CYBRD1: variants seen among roughly 807,000 people sequenced by gnomAD.
The protein encoded by CYBRD1 is plasma membrane ascorbate-dependent reductase CYBRD1.
Under a neutral mutation model 21.9 loss-of-function variants are expected in CYBRD1, and 14 were observed. The observed-to-expected ratio is 0.64, with a 90% CI of 0.42 to 1.00. CYBRD1 has a LOEUF of 1.00. CYBRD1 is among the 50% of genes least tolerant of loss of function. The probability of loss-of-function intolerance (pLI) is 0.00; values close to 1 mark genes in which losing one functional copy is unlikely to be tolerated. For missense variants in CYBRD1, 328 were observed against 352.5 expected (o/e 0.93, Z 0.56); for synonymous variants, 146 against 136.5 (o/e 1.07, Z -0.48).
chr2:171,545,663 A>C (rs1339096539), intron 2 of CYBRD1, among the ~76,000 whole-genome samples: 1 of 151,142 alleles, frequency 6.6e-6, no homozygotes, highest in Non-Finnish European at 1.5e-5. Flanking sequence ...TGCTGGGATT[A>C]CAGGTGTGAA....
intron 1 of CYBRD1, among the ~76,000 whole-genome samples, chr2:171,525,103 AATTTTTGT>A (rs1697365396): frequency 6.6e-6 from 1 of 152,088 alleles, no homozygotes; most frequent in South Asian, 2.1e-4. Context: ...ACGCCCAGCT[AATTTTTGT>A]ATTTTTAGTA....
At chr2:171,541,861 CTTT>C (rs57998592) in intron 2 of CYBRD1, 68 bp downstream of exon 2, 11,795 of 722,424 alleles carry the variant, frequency 0.016, no homozygotes, top group East Asian at 0.03. Context: ...GTTTTCTTTT[CTTT>C]TTTTTTTTTT....
At chr2:171,550,192 G>A (rs940117690) in intron 2 of CYBRD1, among the ~76,000 whole-genome samples, 1 of 152,018 alleles carries the variant, frequency 6.6e-6, no homozygotes, top group Non-Finnish European at 1.5e-5. Context: ...TGCAACCTCC[G>A]CCATCCGGGT....
In CYBRD1 at chr2:171,553,366, C is replaced by G. The variant is rs1683421277; in HGVS notation, c.423C>G (p.Val141=). Reference sequence around the variant, plus strand: ...TTTAGCTTCTTTCAGGTTTTTCAGTCTTTCTGCTTCCATGGGCTCCGCTTT... The same window carrying G: ...TTTAGCTTCTTTCAGGTTTTTCAGTGTTTCTGCTTCCATGGGCTCCGCTTT... ...YLLQLLSGFS[V]FLLPWAPLSL... Residue 141 remains valine, a synonymous_variant, in exon 3 of 4, where the codon GTC becomes GTG. Coordinates refer to ENST00000321348, the MANE Select transcript of CYBRD1 (RefSeq NM_024843.4). 6.2e-7 allele frequency: 1 copy of G among 1,613,480 alleles called. No individual in the cohort carries two copies.
intron 1 of CYBRD1, among the ~76,000 whole-genome samples, chr2:171,533,331 C>T (rs1261583270): frequency 1.3e-5 from 2 of 152,236 alleles, no homozygotes; most frequent in African/African-American, 4.8e-5. Flanking sequence ...CCCGCCACTG[C>T]ACTCTAGCCT....
Position 171,556,010 on chromosome 2 carries a change from A to G in CYBRD1, c.*1183A>G, listed in dbSNP as rs1415139796. 6.6e-6 allele frequency: 1 copy of G among 152,220 alleles called. No homozygotes were observed. Among genetic ancestry groups the G allele is most frequent in the African/African-American group, 2.4e-5 (1 of 41,454 alleles). 9.4% of individuals were successfully genotyped at this position (152,220 alleles called of 1,614,324 possible). Reference sequence around the variant, plus strand: ...TTTACCTTTTGCTGTTTGCTGTGGCAGATTCCCCAGATAACCAAGGAAAAG... The same window carrying G: ...TTTACCTTTTGCTGTTTGCTGTGGCGGATTCCCCAGATAACCAAGGAAAAG... On this transcript the variant is annotated 3_prime_UTR_variant, in exon 4 of 4. Transcript: ENST00000321348.
chr2:171,530,736 A>T (rs1697453123), intron 1 of CYBRD1, among the ~76,000 whole-genome samples: 1 of 152,174 alleles, frequency 6.6e-6, no homozygotes, highest in Non-Finnish European at 1.5e-5. Context: ...CCTCCAAAAC[A>T]TTGGGCTGAT....
At position 171,550,919 on chromosome 2, in the gene CYBRD1, T is replaced by C. The variant is rs572869197; in HGVS notation, c.403-2427T>C. The C allele has an allele frequency of 1.8e-4, 30 of 170,832 alleles. No individual in the cohort carries two copies. In the South Asian group the frequency reaches 2.0e-3, roughly 11 times the overall value. The allele number at this position is 170,832 out of a possible 1,614,324, so 10.6% of individuals were successfully genotyped here. On this transcript the variant is annotated intron_variant, in intron 2 of 3. Coordinates refer to ENST00000321348, the MANE Select transcript of CYBRD1 (RefSeq NM_024843.4). Reference sequence around the variant, plus strand: ...AGATATGATGATTTATGGAGATATATTTGTGCTATATCCCTGAGCCCCATT... The same window carrying C: ...AGATATGATGATTTATGGAGATATACTTGTGCTATATCCCTGAGCCCCATT...
intron 3 of CYBRD1, among the ~76,000 whole-genome samples, chr2:171,554,131 C>A (rs1683439402): frequency 6.6e-6 from 1 of 152,132 alleles, no homozygotes; most frequent in Non-Finnish European, 1.5e-5. Context: ...GAGATACTTT[C>A]AATTTTCCAT....
intron 2 of CYBRD1, among the ~76,000 whole-genome samples, chr2:171,548,661 A>AAAAAAAAAAAG (rs1697755063): frequency 6.6e-6 from 1 of 151,022 alleles, no homozygotes; most frequent in African/African-American, 2.4e-5. Context: ...AAAAAAAAAA[A>AAAAAAAAAAAG]AAAAAGCAAA....
chr2:171,554,559 G>A lies in CYBRD1; in HGVS notation c.593G>A (p.Gly198Asp). 6.2e-7 allele frequency: 1 copy of A among 1,613,996 alleles called. No individual in the cohort carries two copies. The highest frequency in any genetic ancestry group is 2.2e-5 in the East Asian group (1 of 44,876). The change falls in exon 4 of 4, where the codon GGT becomes GAT. Residue 198 changes from glycine to aspartate, a missense_variant. Physicochemically the swap from Gly to Asp is moderately conservative, Grantham distance 94. Coordinates refer to ENST00000321348, the MANE Select transcript of CYBRD1 (RefSeq NM_024843.4). Reference sequence around the variant, plus strand: ...GCATACAGTACATTCCCGCCAGAAGGTGTTTTCGTAAATACGCTTGGCCTT... The same window carrying A: ...GCATACAGTACATTCCCGCCAGAAGATGTTTTCGTAAATACGCTTGGCCTT... ...DPAYSTFPPE[G>D]VFVNTLGLLI...
At chr2:171,523,083 A>G in intron 1 of CYBRD1, 1 of 344,492 alleles carries the variant, frequency 2.9e-6, no homozygotes, top group Non-Finnish European at 5.6e-6. Flanking sequence ...AGACCCAGAA[A>G]CTTGAGCCCG....
intron 2 of CYBRD1, among the ~76,000 whole-genome samples, chr2:171,542,337 A>G (rs893539514): frequency 9.2e-5 from 14 of 152,216 alleles, no homozygotes; most frequent in African/African-American, 3.4e-4. Context: ...ACTCTGCTCT[A>G]TATCTTAATA....
At chr2:171,530,963 G>A (rs1399620386) in intron 1 of CYBRD1, among the ~76,000 whole-genome samples, 1 of 151,800 alleles carries the variant, frequency 6.6e-6, no homozygotes, top group Non-Finnish European at 1.5e-5. Flanking sequence ...ACAAGCCTGG[G>A]CAACATGGTG....
At chr2:171,537,841 GA>G (rs2105336418) in intron 1 of CYBRD1, among the ~76,000 whole-genome samples, 1 of 152,320 alleles carries the variant, frequency 6.6e-6, no homozygotes, top group South Asian at 2.1e-4. Context: ...GTAGCTAAAA[GA>G]GAGGATATTG....
At chr2:171,549,460 A>G (rs1429452229) in intron 2 of CYBRD1, among the ~76,000 whole-genome samples, 1 of 152,248 alleles carries the variant, frequency 6.6e-6, no homozygotes, top group Non-Finnish European at 1.5e-5. Flanking sequence ...GTTAAAGTTT[A>G]TAAGATGTAG....
At position 171,522,661 on chromosome 2, in the gene CYBRD1, G is replaced by C. The variant is rs1574428906; in HGVS notation, c.116G>C (p.Gly39Ala). ...VWVLHYREGL[G>A]WDGSALEFNW... ...GTCCTCCACTACCGAGAGGGGCTTG[G>C]CTGGGATGGGAGCGCACTAGAGTTT... The change falls in exon 1 of 4, where the codon GGC (glycine) becomes GCC (alanine). Residue 39 changes from glycine (G) to alanine (A), a missense_variant. Transcript: ENST00000321348. This position sits in a 1 kb window ranked among gnomAD's most constrained non-coding sequence, Gnocchi z 4.3. 1.2e-6 allele frequency: 2 copies of C among 1,613,386 alleles called. No individual in the cohort carries two copies. Among genetic ancestry groups the C allele is most frequent in the Non-Finnish European group, 1.7e-6 (2 of 1,179,932 alleles).
At chr2:171,533,776 T>C (rs546154449) in intron 1 of CYBRD1, among the ~76,000 whole-genome samples, 1 of 151,244 alleles carries the variant, frequency 6.6e-6, no homozygotes, top group East Asian at 1.9e-4. Context: ...CTTTCTTTTT[T>C]TTTTTTTTTT....
intron 2 of CYBRD1, among the ~76,000 whole-genome samples, chr2:171,551,669 G>C (rs1389544216): frequency 6.6e-6 from 1 of 152,080 alleles, no homozygotes; most frequent in Non-Finnish European, 1.5e-5. Flanking sequence ...ATTATCCTGA[G>C]CCTGTTTTTT....
Sources: gnomAD v4.1 joint callset for allele counts (sites outside exome capture counted in the v4.1 genomes callset) on GRCh38, gnomAD v4.1.1 for gene constraint, Gnocchi (gnomAD v3.1) non-coding constraint, MANE v1.5 for transcripts, NCBI Gene and HGNC (gene_info 2026-07-23, HGNC 2026-07-21) for gene names.